Variants in PRIM2 observed in about 807,000 individuals in gnomAD.
PRIM2 encodes the protein DNA primase subunit 2.
A neutral mutation model predicts 67.3 loss-of-function variants in PRIM2; 39 were observed. The ratio of observed to expected loss-of-function variants is 0.58; its 90% CI spans 0.45 to 0.76. PRIM2 has a LOEUF of 0.76. Ranked by LOEUF, PRIM2 falls within the 30% of genes least tolerant of loss-of-function variation. The pLI is 0.00. For synonymous variants in PRIM2, 143 were observed against 198.7 expected, an observed-to-expected ratio of 0.72 and a Z score of 2.36; for missense variants, 398 against 598.7, an observed-to-expected ratio of 0.66 and a Z score of 3.50.
At chr6:57,490,710 G>GA (rs1488567030) in intron 7 of PRIM2, among the ~76,000 whole-genome samples, 2 of 152,174 alleles carry the variant, frequency 1.3e-5, no homozygotes, top group African/African-American at 4.8e-5. Flanking sequence ...GTGGATTGTT[G>GA]AACTTGAATA....
intron 7 of PRIM2, among the ~76,000 whole-genome samples, chr6:57,445,971 G>C (rs1181193032): frequency 7.9e-5 from 12 of 152,328 alleles, no homozygotes; most frequent in Non-Finnish European, 1.3e-4. Flanking sequence ...TGCCATTGCT[G>C]GTTCAGCATT....
At chr6:57,227,137 A>C in the PRIM2 span, among the ~76,000 whole-genome samples, 1 of 152,072 alleles carries the variant, frequency 6.6e-6, no homozygotes, top group Non-Finnish European at 1.5e-5. Flanking sequence ...AAATACTCTT[A>C]GTATACTGAG....
intron 10 of PRIM2, among the ~76,000 whole-genome samples, chr6:57,564,209 T>C (rs1373453451): frequency 2.0e-5 from 3 of 152,260 alleles, no homozygotes; most frequent in Non-Finnish European, 4.4e-5. Flanking sequence ...CTCATGGGTA[T>C]ACCTGAAGGT....
At chr6:57,309,961 A>T (rs1767350848), upstream of PRIM2, among the ~76,000 whole-genome samples, 1 of 152,224 alleles carries the variant, frequency 6.6e-6, no homozygotes, top group African/African-American at 2.4e-5. Context: ...ATTAAACTAA[A>T]GAGCTTCTGC....
At chr6:57,520,243 G>A (rs1423845572) in intron 8 of PRIM2, among the ~76,000 whole-genome samples, 1 of 152,162 alleles carries the variant, frequency 6.6e-6, no homozygotes, top group Non-Finnish European at 1.5e-5. Flanking sequence ...TGCCATAAAT[G>A]TGTAATAGCT....
intron 5 of PRIM2, among the ~76,000 whole-genome samples, chr6:57,368,189 C>CAT (rs1769431283): frequency 1.3e-5 from 2 of 151,326 alleles, no homozygotes; most frequent in Admixed American, 6.6e-5. Flanking sequence ...TTATATATAT[C>CAT]ATATATATAT....
chr6:57,410,676 C>T (rs1445301417), intron 7 of PRIM2, among the ~76,000 whole-genome samples: 1 of 151,850 alleles, frequency 6.6e-6, no homozygotes, highest in African/African-American at 2.4e-5. Flanking sequence ...TCTATGTTGT[C>T]TGTGAATATA....
At chr6:57,544,706 A>G (rs1170981371) in intron 10 of PRIM2, among the ~76,000 whole-genome samples, 1 of 152,096 alleles carries the variant, frequency 6.6e-6, no homozygotes, top group Non-Finnish European at 1.5e-5. Context: ...TTATTTATTC[A>G]TTTATTATCT....
At chr6:57,572,112 C>T (rs1775874643) in intron 10 of PRIM2, among the ~76,000 whole-genome samples, 1 of 152,180 alleles carries the variant, frequency 6.6e-6, no homozygotes, top group African/African-American at 2.4e-5. Context: ...TTATTTCCTG[C>T]CTGCTTCCTC....
chr6:57,629,946 A>G (rs1286926571), intron 12 of PRIM2, among the ~76,000 whole-genome samples: 4 of 150,128 alleles, frequency 2.7e-5, no homozygotes, highest in African/African-American at 9.8e-5. Flanking sequence ...TTTTAAAAGC[A>G]TGTAAGTTAT....
At chr6:57,490,525 C>T (rs1554345884) in intron 7 of PRIM2, among the ~76,000 whole-genome samples, 3 of 151,778 alleles carry the variant, frequency 2.0e-5, no homozygotes, top group Admixed American at 6.6e-5. Flanking sequence ...ATTATCGAAC[C>T]GAGGGATCAA....
chr6:57,646,186 A>G lies in PRIM2; in HGVS notation c.*28A>G. ...AGTTTTATAACCCTTTTTCCTCAAT[A>G]GCCTGTTTCCTGTTTTTAAGATTTT... On this transcript the variant is annotated 3_prime_UTR_variant, in exon 14 of 14. Transcript: ENST00000615550. 1 of 1,430,896 alleles carries G rather than the reference A, an allele frequency of 7.0e-7. No homozygotes were observed. The highest frequency in any genetic ancestry group is 9.8e-7 in the Non-Finnish European group (1 of 1,021,664). 88.6% of individuals were successfully genotyped at this position (1,430,896 alleles called of 1,614,324 possible).
intron 5 of PRIM2, among the ~76,000 whole-genome samples, chr6:57,348,811 G>A (rs1402614456): frequency 1.4e-5 from 2 of 143,874 alleles, no homozygotes; most frequent in African/African-American, 2.6e-5. Flanking sequence ...GCAGTGGCGC[G>A]ATCTCGGCTC....
At chr6:57,393,015 C>T (rs200614986) in intron 7 of PRIM2, among the ~76,000 whole-genome samples, 2 of 133,820 alleles carry the variant, frequency 1.5e-5, no homozygotes, top group Non-Finnish European at 3.3e-5. Flanking sequence ...TATATATATA[C>T]ATAGACACAC....
intron 10 of PRIM2, among the ~76,000 whole-genome samples, chr6:57,539,132 A>C (rs1463196419): frequency 6.6e-6 from 1 of 152,162 alleles, no homozygotes; most frequent in Admixed American, 6.5e-5. Flanking sequence ...GAAGTCACTT[A>C]ATAGGATTTT....
In PRIM2 at chr6:57,382,034, C is replaced by A. The variant is rs780401401; in HGVS notation, c.559C>A (p.Pro187Thr). ...KLGFESIYKI[P>T]FADALDLFRG... ...GCCTGTTTTACTCTTAATTCAGATC[C>A]CTTTTGCTGATGCTCTGGATTTGTT... The change falls in exon 7 of 14, where the codon CCT (proline) becomes ACT (threonine). Residue 187 changes from proline (P) to threonine (T), a missense_variant. Coordinates refer to ENST00000615550, the MANE Select transcript of PRIM2 (RefSeq NM_000947.5). 25 of 1,608,572 alleles carry A rather than the reference C, an allele frequency of 1.6e-5. No individual in the cohort carries two copies. The highest frequency in any genetic ancestry group is 2.0e-5 in the Non-Finnish European group (23 of 1,176,884).
chr6:57,260,794 GA>G, the PRIM2 span, among the ~76,000 whole-genome samples: 1 of 152,162 alleles, frequency 6.6e-6, no homozygotes, highest in Non-Finnish European at 1.5e-5. Context: ...CAGGAGGAGA[GA>G]AAATAGATAA....
In PRIM2 at chr6:57,335,800, G is replaced by A. The variant is rs374388847; in HGVS notation, c.459+9755G>A. Among the ~76,000 whole-genome samples the A allele has an allele frequency of 1.3e-3, 205 of 152,264 alleles. 4 individuals carry two copies. The East Asian group carries it at 0.017, about 12-fold the overall frequency. On this transcript the variant is annotated intron_variant, in intron 5 of 13. Coordinates refer to ENST00000615550, the MANE Select transcript of PRIM2 (RefSeq NM_000947.5). ...AACTGGAAACTCTGAAAAGCAGAGC[G>A]CCTCTCCTCCTCCAAAGGAACGCAG...
intron 10 of PRIM2, among the ~76,000 whole-genome samples, chr6:57,542,727 T>C (rs1775188370): frequency 1.3e-5 from 2 of 151,948 alleles, no homozygotes; most frequent in Non-Finnish European, 2.9e-5. Context: ...GACTATTTAG[T>C]GTTCTGTTGT....
Sources: allele counts gnomAD v4.1 joint callset (sites outside exome capture counted in the v4.1 genomes callset), GRCh38; gene constraint gnomAD v4.1.1; transcripts MANE v1.5; gene names NCBI Gene and HGNC (gene_info 2026-07-23, HGNC 2026-07-21).